XPC: variants seen among roughly 807,000 people sequenced by gnomAD.
The protein encoded by XPC is XPC complex subunit, DNA damage recognition and repair factor.
A neutral mutation model predicts 95.8 loss-of-function variants in XPC; 76 were observed. That is an observed-to-expected ratio of 0.79 (90% CI 0.66 to 0.96). The LOEUF (loss-of-function observed/expected upper bound fraction) is 0.96. XPC is among the 40% of genes least tolerant of loss of function. XPC has a pLI of 0.00. For synonymous variants in XPC, 442 were observed against 442.1 expected, an observed-to-expected ratio of 1.00 and a Z score of 0.00; for missense variants, 1,146 against 1,179.8, an observed-to-expected ratio of 0.97 and a Z score of 0.42.
intron 7 of XPC, among the ~76,000 whole-genome samples, chr3:14,162,818 A>G (rs1173422220): frequency 1.3e-5 from 2 of 152,224 alleles, no homozygotes; most frequent in African/African-American, 4.8e-5. Context: ...TTCATCAAGA[A>G]AGTAAAAAGG....
chr3:14,173,701 C>T (rs968403191), intron 1 of XPC, among the ~76,000 whole-genome samples: 1 of 151,974 alleles, frequency 6.6e-6, no homozygotes, highest in Non-Finnish European at 1.5e-5. Flanking sequence ...GCATAAGCTG[C>T]TGGTTTTAGT....
chr3:14,152,226 A>T, intron 11 of XPC, 109 bp downstream of exon 11: 1 of 869,476 alleles, frequency 1.2e-6, no homozygotes, highest in Non-Finnish European at 1.8e-6. Context: ...TCTGATCAGG[A>T]TCCTGGGCAG....
In XPC at chr3:14,145,303, T is replaced by G. The variant is rs1206744180; in HGVS notation, c.*638A>C. On this transcript the variant is annotated 3_prime_UTR_variant, in exon 16 of 16. Coordinates refer to ENST00000285021, the MANE Select transcript of XPC (RefSeq NM_004628.5). ...CTTAATTTTCAATTCGTATTTTTCC[T>G]TTTCTTTCCTGATTTTAGCTTTTTT... 1 of 698,142 alleles carries G rather than the reference T, an allele frequency of 1.4e-6. No homozygotes were observed. The highest frequency in any genetic ancestry group is 1.8e-5 in the African/African-American group (1 of 57,022). The allele number at this position is 698,142 out of a possible 1,614,324, so 43.2% of individuals were successfully genotyped here.
At chr3:14,170,372 C>G in intron 3 of XPC, 66 bp downstream of exon 3, 1 of 1,481,332 alleles carries the variant, frequency 6.8e-7, no homozygotes, top group Middle Eastern at 1.7e-4. Flanking sequence ...GATCTGACTC[C>G]AAACAGAATC....
At chr3:14,149,458 T>C (rs993613417) in intron 11 of XPC, 2 of 154,732 alleles carry the variant, frequency 1.3e-5, no homozygotes, top group Admixed American at 1.3e-4. Context: ...ATTCTCGGTG[T>C]TTTTTGTTTT....
At chr3:14,165,381 A>G (rs1371357556) in intron 6 of XPC, 47 bp downstream of exon 6, 7 of 1,527,132 alleles carry the variant, frequency 4.6e-6, no homozygotes, top group Non-Finnish European at 6.2e-6. Flanking sequence ...TGAGAGAAAC[A>G]CAAATCCTAC....
intron 10 of XPC, chr3:14,152,768 C>CA: frequency 4.8e-6 from 1 of 208,844 alleles, no homozygotes; most frequent in Non-Finnish European, 9.6e-6. Context: ...CAGGCACACT[C>CA]ACGTTTACTA....
Position 14,147,366 on chromosome 3 carries a change from C to A in XPC, c.2528G>T (p.Arg843Leu). ...ERKEKEKKEK[R>L]ALGNWKLLAK... ...CAGCAACTTCCAGTTCCCTAGAGCC[C>A]GCTTCTCCTTTTTCTGCAGGCAAAA... The change falls in exon 15 of 16, where the codon CGG (arginine) becomes CTG (leucine). Residue 843 changes from arginine to leucine, a missense_variant. Arg to Leu is a moderately radical substitution (Grantham distance 102). Transcript: ENST00000285021. The A allele has an allele frequency of 1.2e-6, 2 of 1,609,464 alleles. No individual in the cohort carries two copies. Among genetic ancestry groups the A allele is most frequent in the East Asian group, 2.2e-5 (1 of 44,794 alleles).
At chr3:14,159,995 T>C in intron 7 of XPC, 165 bp from the exon 8 acceptor site, 1 of 582,482 alleles carries the variant, frequency 1.7e-6, no homozygotes, top group South Asian at 2.5e-5. Flanking sequence ...AAAACGATGA[T>C]GCAGAAGTTT....
At chr3:14,147,609 C>G (rs1559368043) in intron 14 of XPC, 1 of 606,342 alleles carries the variant, frequency 1.6e-6, no homozygotes, top group African/African-American at 1.9e-5. Context: ...ACTCCAAAAT[C>G]TTTAGTGGGT....
intron 7 of XPC, 134 bp downstream of exon 7, chr3:14,164,679 C>G: frequency 2.3e-6 from 2 of 874,836 alleles, no homozygotes; most frequent in South Asian, 3.5e-5. Flanking sequence ...TGGGCTTCAG[C>G]AGCTATCAAC....
intron 6 of XPC, 116 bp from the exon 7 acceptor site, chr3:14,165,049 A>G: frequency 7.0e-7 from 1 of 1,424,260 alleles, no homozygotes; most frequent in Admixed American, 2.6e-5. Context: ...CCTCTGTCCT[A>G]CTTTCCCCAG....
Position 14,148,548 on chromosome 3 carries a change from G to A in XPC, c.2420+14C>T. 6.2e-7 allele frequency: 1 copy of A among 1,613,262 alleles called. No individual in the cohort carries two copies. The highest frequency in any genetic ancestry group is 8.5e-7 in the Non-Finnish European group (1 of 1,179,762). On this transcript the variant is annotated intron_variant, in intron 13 of 15. Coordinates refer to ENST00000285021, the MANE Select transcript of XPC (RefSeq NM_004628.5). ...ATCCCTGTGTTTAGCCTCCATCGAA[G>A]GCCCCTCACGCACACGGGATGGGAG...
chr3:14,167,052 A>C, intron 5 of XPC, 117 bp downstream of exon 5: 1 of 848,576 alleles, frequency 1.2e-6, no homozygotes, highest in Non-Finnish European at 1.7e-6. Context: ...AAAGGCTCAG[A>C]GAGAGTAAGA....
rs543293245 is a variant in XPC at position 14,148,122 on chromosome 3, C to G, written c.2421-121G>C. On this transcript the variant is annotated intron_variant, in intron 13 of 15. Transcript: ENST00000285021. Reference sequence around the variant, plus strand: ...GCACTAGGGGTCCTGAAGGATGTCGCGGGTCAGCCAGTGTCCCACATCCTC... The same window carrying G: ...GCACTAGGGGTCCTGAAGGATGTCGGGGGTCAGCCAGTGTCCCACATCCTC... 6.5e-5 allele frequency: 55 copies of G among 843,716 alleles called. 1 individual carries two copies. In the South Asian group the frequency reaches 9.5e-4, roughly 15 times the overall value. The allele number at this position is 843,716 out of a possible 1,614,324, so 52.3% of individuals were successfully genotyped here.
intron 14 of XPC, chr3:14,147,698 C>A: frequency 1.7e-6 from 1 of 599,582 alleles, no homozygotes; most frequent in South Asian, 2.1e-5. Context: ...CCCCAGAGCC[C>A]GGACCCAGGC....
chr3:14,163,192 G>A (rs796656947), intron 7 of XPC, among the ~76,000 whole-genome samples: 47 of 152,272 alleles, frequency 3.1e-4, no homozygotes, highest in African/African-American at 1.1e-3. Flanking sequence ...AAAACAGTTT[G>A]GTGGTTTCTC....
At position 14,148,964 on chromosome 3, in the gene XPC, C is replaced by G; in HGVS notation, c.2116-16G>C. 1.2e-6 allele frequency: 2 copies of G among 1,613,688 alleles called. No individual in the cohort carries two copies. Among genetic ancestry groups the G allele is most frequent in the Non-Finnish European group, 1.7e-6 (2 of 1,179,686 alleles). On this transcript the variant is annotated splice_polypyrimidine_tract_variant and intron_variant, in intron 11 of 15. Coordinates refer to ENST00000285021, the MANE Select transcript of XPC (RefSeq NM_004628.5). ...CTTTCACCATCTGCACCAGAGGACA[C>G]GGCCACCGTTTACAACAAAGGCATC...
intron 4 of XPC, 113 bp from the exon 5 acceptor site, chr3:14,167,366 T>C: frequency 3.2e-6 from 3 of 951,148 alleles, no homozygotes; most frequent in East Asian, 2.8e-5. Flanking sequence ...CCTGTTTCCC[T>C]ACACAAGGCT....
Sources: allele counts gnomAD v4.1 joint callset (sites outside exome capture counted in the v4.1 genomes callset), GRCh38; gene constraint gnomAD v4.1.1; transcripts MANE v1.5; gene names NCBI Gene and HGNC (gene_info 2026-07-23, HGNC 2026-07-21).